The following SS18 variants were observed in gnomAD, a reference collection of about 807,000 sequenced individuals.
SS18 encodes protein SSXT.
A neutral mutation model predicts 72.5 loss-of-function variants in SS18; 28 were observed. The ratio of observed to expected loss-of-function variants is 0.39; its 90% confidence interval spans 0.29 to 0.53. The LOEUF (loss-of-function observed/expected upper bound fraction) is 0.53. Among genes scored for constraint, SS18 ranks in the 20% least tolerant of loss-of-function variants. SS18 has a pLI of 0.76. For synonymous variants in SS18, 172 were observed against 164.2 expected, an observed-to-expected ratio of 1.05 and a Z score of -0.37; for missense variants, 518 against 535.3, an observed-to-expected ratio of 0.97 and a Z score of 0.32.
intron 7 of SS18, among the ~76,000 whole-genome samples, chr18:26,036,846 G>T (rs2053634295): frequency 6.6e-6 from 1 of 152,042 alleles, no homozygotes; most frequent in South Asian, 2.1e-4. Context: ...TATGGCCAGT[G>T]GCAAGTTTTT....
At position 26,039,445 on chromosome 18, in the gene SS18, G is replaced by A; in HGVS notation, c.619C>T (p.His207Tyr). 6.2e-7 allele frequency: 1 copy of A among 1,613,182 alleles called. No individual in the cohort carries two copies. The highest frequency in any genetic ancestry group is 8.5e-7 in the Non-Finnish European group (1 of 1,179,416). Reference protein sequence around the residue: ...SMQPNQGPMMHQQPPSQQYNM... With the variant: ...SMQPNQGPMMYQQPPSQQYNM... ...TATTGCTGAGAAGGAGGCTGCTGATGCATCATTGGACCTGAAACAAGACAC... is the reference window on the plus strand; with the variant it reads ...TATTGCTGAGAAGGAGGCTGCTGATACATCATTGGACCTGAAACAAGACAC... The change falls in exon 6 of 11, where the codon CAT becomes TAT. Residue 207 changes from histidine to tyrosine, a missense_variant. Coordinates refer to ENST00000415083, the MANE Select transcript of SS18 (RefSeq NM_001007559.3).
intron 3 of SS18, among the ~76,000 whole-genome samples, chr18:26,073,042 ATTT>A (rs771244497): frequency 1.2e-4 from 18 of 151,970 alleles, no homozygotes; most frequent in African/African-American, 3.9e-4. Flanking sequence ...AACAATACAT[ATTT>A]TTTTTAAATA....
In SS18 at chr18:26,016,532, G is replaced by T; in HGVS notation, c.*1822C>A. 1 of 180,460 alleles carries T rather than the reference G, an allele frequency of 5.5e-6. No individual in the cohort carries two copies. The highest frequency in any genetic ancestry group is 1.2e-5 in the Non-Finnish European group (1 of 84,358). The allele number at this position is 180,460 out of a possible 1,614,324, so 11.2% of individuals were successfully genotyped here. ...GAGGTCAGGAGTTCGAGACCAGCCTGGCCAACATGGCGAAACCTCGTCTCT... is the reference window on the plus strand; with the variant it reads ...GAGGTCAGGAGTTCGAGACCAGCCTTGCCAACATGGCGAAACCTCGTCTCT... On this transcript the variant is annotated 3_prime_UTR_variant, in exon 11 of 11. Transcript: ENST00000415083.
intron 4 of SS18, among the ~76,000 whole-genome samples, chr18:26,057,024 AT>A (rs2054033958): frequency 6.6e-6 from 1 of 152,188 alleles, no homozygotes; most frequent in Non-Finnish European, 1.5e-5. Context: ...AGTTTACATT[AT>A]TTTTCAGCCT....
intron 5 of SS18, 112 bp downstream of exon 5, chr18:26,052,512 A>C (rs1434459917): frequency 4.3e-5 from 34 of 789,072 alleles, no homozygotes; most frequent in Non-Finnish European, 6.1e-5. Context: ...CATGACTGTC[A>C]CTCACTTTAA....
chr18:26,022,448 A>C (rs554784084), intron 10 of SS18, among the ~76,000 whole-genome samples: 1 of 152,294 alleles, frequency 6.6e-6, no homozygotes, highest in African/African-American at 2.4e-5. Context: ...AAAAAAAAAA[A>C]AAACTACACA....
intron 2 of SS18, among the ~76,000 whole-genome samples, chr18:26,086,547 G>C (rs1049717350): frequency 3.3e-5 from 5 of 152,142 alleles, no homozygotes; most frequent in Admixed American, 2.6e-4. Flanking sequence ...CTCATTTACT[G>C]TGTCTACTAG....
At position 26,057,628 on chromosome 18, in the gene SS18, CAGG is replaced by C. The variant is rs1297511036; in HGVS notation, c.343_345del (p.Pro115del). 1 of 1,614,002 alleles carries C rather than the reference CAGG, an allele frequency of 6.2e-7. No individual in the cohort carries two copies. On this transcript the variant is annotated inframe_deletion, in exon 4 of 11. Coordinates refer to ENST00000415083, the MANE Select transcript of SS18 (RefSeq NM_001007559.3). ...TTCATCTGGTTCTGCATGTGCGGTG[CAGG>C]AGGACCCCCACCTACCATTCCATCT... is the stretch of plus-strand genomic sequence containing the variant.
At chr18:26,024,596 C>T (rs982438951) in intron 10 of SS18, among the ~76,000 whole-genome samples, 20 of 152,114 alleles carry the variant, frequency 1.3e-4, no homozygotes, top group African/African-American at 4.6e-4. Flanking sequence ...TAATTATAGG[C>T]GTGAGCCACC....
chr18:26,075,531 C>T (rs1295891647), intron 3 of SS18, among the ~76,000 whole-genome samples: 1 of 151,856 alleles, frequency 6.6e-6, no homozygotes, highest in Non-Finnish European at 1.5e-5. Flanking sequence ...AATTTAACAT[C>T]CATTCAACAT....
At chr18:26,060,013 A>T (rs758759245) in intron 3 of SS18, among the ~76,000 whole-genome samples, 1 of 152,256 alleles carries the variant, frequency 6.6e-6, no homozygotes, top group African/African-American at 2.4e-5. Flanking sequence ...GAACTTAAAC[A>T]GTTACCATAT....
rs573622818 is a variant in SS18, at chr18:26,017,989, A to T, written c.*365T>A. The T allele has an allele frequency of 4.1e-6, 1 of 245,464 alleles. No individual in the cohort carries two copies. Among genetic ancestry groups the T allele is most frequent in the South Asian group, 1.6e-4 (1 of 6,354 alleles). 15.2% of individuals were successfully genotyped at this position (245,464 alleles called of 1,614,324 possible). On this transcript the variant is annotated 3_prime_UTR_variant, in exon 11 of 11. Transcript: ENST00000415083. ...CATTTCCCTCTTCCCCTTACAAAAAAATCTGTGGAAAAGTATTAAATTCCC... is the reference window on the plus strand; with the variant it reads ...CATTTCCCTCTTCCCCTTACAAAAATATCTGTGGAAAAGTATTAAATTCCC...
At chr18:26,060,463 G>C in intron 3 of SS18, among the ~76,000 whole-genome samples, 1 of 151,792 alleles carries the variant, frequency 6.6e-6, no homozygotes, top group Admixed American at 6.5e-5. Flanking sequence ...TCTGAAATTA[G>C]ATAGTTATGA....
intron 10 of SS18, among the ~76,000 whole-genome samples, chr18:26,030,679 G>A (rs2053528272): frequency 6.6e-6 from 1 of 152,088 alleles, no homozygotes; most frequent in Non-Finnish European, 1.5e-5. Flanking sequence ...AAAGCTGAGG[G>A]AATCCAAAGA....
intron 3 of SS18, among the ~76,000 whole-genome samples, chr18:26,062,685 G>GA (rs997964982): frequency 1.3e-5 from 2 of 151,926 alleles, no homozygotes; most frequent in Non-Finnish European, 2.9e-5. Flanking sequence ...TATATTAAAA[G>GA]AAAAAAATGG....
rs1475779068 is a variant in SS18 at position 26,035,654 on chromosome 18, A to G, written c.973+177T>C. 1.0e-4 allele frequency: 43 copies of G among 420,140 alleles called. No individual in the cohort carries two copies. The highest frequency in any genetic ancestry group is 1.6e-4 in the Non-Finnish European group (39 of 238,304). The allele number at this position is 420,140 out of a possible 1,614,324, so 26.0% of individuals were successfully genotyped here. On this transcript the variant is annotated intron_variant, in intron 8 of 10. Transcript: ENST00000415083. The surrounding 1 kb of genome is among the most constrained non-coding windows in gnomAD (Gnocchi z 4.4). ...TAGAAATGGCAAGTCATGGTTATAC[A>G]TTTTAAATATTTGTAAGGAAATTAT...
rs753665709 is a variant in SS18 at position 26,057,637 on chromosome 18, C to A, written c.337G>T (p.Gly113Cys). The part of the protein sequence containing the change: ...NMPSDGMVGG[G>C]PPAPHMQNQM... ...TTCTGCATGTGCGGTGCAGGAGGACCCCCACCTACCATTCCATCTGAAGGC... is the reference window on the plus strand; with the variant it reads ...TTCTGCATGTGCGGTGCAGGAGGACACCCACCTACCATTCCATCTGAAGGC... The change falls in exon 4 of 11, where the codon GGT (glycine) becomes TGT (cysteine). Residue 113 changes from glycine to cysteine, a missense_variant. Coordinates refer to ENST00000415083, the MANE Select transcript of SS18 (RefSeq NM_001007559.3). 1.9e-6 allele frequency: 3 copies of A among 1,614,046 alleles called. No individual in the cohort carries two copies. The highest frequency in any genetic ancestry group is 1.1e-5 in the South Asian group (1 of 91,066).
chr18:26,085,286 C>CA (rs2054597507), intron 2 of SS18, among the ~76,000 whole-genome samples: 1 of 152,214 alleles, frequency 6.6e-6, no homozygotes, highest in Admixed American at 6.5e-5. Flanking sequence ...CCTCCCACCT[C>CA]AGCCTCCCAA....
Position 26,070,451 on chromosome 18 carries a change from A to T in SS18, c.231+7625T>A, listed in dbSNP as rs541798311. ...TTGCTATTTGCTGTCTCCTGGCTTA[A>T]AATTAAGAAAACAAGTCTGTTAAAA... On this transcript the variant is annotated intron_variant, in intron 3 of 10. Transcript: ENST00000415083. Among the ~76,000 whole-genome samples the T allele has an allele frequency of 1.3e-4, 20 of 152,344 alleles. No homozygotes were observed. In the East Asian group the frequency reaches 3.7e-3, roughly 28 times the overall value.
Sources: gnomAD v4.1 joint callset for allele counts (sites outside exome capture counted in the v4.1 genomes callset) on GRCh38, gnomAD v4.1.1 for gene constraint, Gnocchi (gnomAD v3.1) non-coding constraint, MANE v1.5 for transcripts, NCBI Gene and HGNC (gene_info 2026-07-23, HGNC 2026-07-21) for gene names.